DLGAP2: variants seen among roughly 807,000 people sequenced by gnomAD.
DLGAP2 encodes disks large-associated protein 2.
A neutral mutation model predicts 100.3 loss-of-function variants in DLGAP2; 26 were observed. The observed-to-expected ratio is 0.26, with a 90% CI of 0.19 to 0.36. The LOEUF (loss-of-function observed/expected upper bound fraction) is 0.36. DLGAP2 is among the 10% of genes least tolerant of loss of function. The pLI, the probability that DLGAP2 is intolerant of heterozygous loss-of-function variation, is 1.00. For synonymous variants in DLGAP2, 886 were observed against 630.1 expected, an observed-to-expected ratio of 1.41 and a Z score of -6.08; for missense variants, 1,858 against 1,453.2, an observed-to-expected ratio of 1.28 and a Z score of -4.53.
At chr8:1,122,237 C>T (rs1796066038) in intron 2 of DLGAP2, among the ~76,000 whole-genome samples, 1 of 152,174 alleles carries the variant, frequency 6.6e-6, no homozygotes, top group African/African-American at 2.4e-5. Flanking sequence ...CTGGGTGACC[C>T]TGTTTCTCCT....
At chr8:968,786 C>T (rs1799942836) in intron 2 of DLGAP2, among the ~76,000 whole-genome samples, 1 of 152,180 alleles carries the variant, frequency 6.6e-6, no homozygotes, top group Non-Finnish European at 1.5e-5. Flanking sequence ...AGTAGGGTTC[C>T]TGGAAGCTGC....
intron 1 of DLGAP2, among the ~76,000 whole-genome samples, chr8:790,403 T>C (rs893063077): frequency 1.3e-5 from 2 of 152,152 alleles, no homozygotes; most frequent in African/African-American, 4.8e-5. Flanking sequence ...TGTTTCCCAT[T>C]TTCTGGCCGC....
chr8:1,355,879 C>G (rs1423679092), intron 3 of DLGAP2, among the ~76,000 whole-genome samples: 1 of 152,190 alleles, frequency 6.6e-6, no homozygotes, highest in African/African-American at 2.4e-5. Flanking sequence ...GGGTCCCTGT[C>G]TGCATTATAA....
Position 1,426,817 on chromosome 8 carries a change from T to TA in DLGAP2, c.107-74540dup, listed in dbSNP as rs778278745. On this transcript the variant is annotated intron_variant, in intron 3 of 14. Transcript: ENST00000637795. ...ATCTCATGTCTAAGTAAATTAGTCG[T>TA]AAAAAAAAATTAGTGTCAGATATAC... Among the ~76,000 whole-genome samples the TA allele has an allele frequency of 1.9e-4, 29 of 151,584 alleles. No homozygotes were observed. The East Asian group carries it at 3.7e-3, about 19-fold the overall frequency.
chr8:1,530,263 C>T (rs1450440873), intron 4 of DLGAP2, among the ~76,000 whole-genome samples: 2 of 152,124 alleles, frequency 1.3e-5, no homozygotes, highest in South Asian at 2.1e-4. Context: ...CCTCCAGGCA[C>T]GTATTCTCTT....
At chr8:813,465 CAT>C (rs535154827) in intron 1 of DLGAP2, among the ~76,000 whole-genome samples, 20 of 152,260 alleles carry the variant, frequency 1.3e-4, no homozygotes, top group Middle Eastern at 6.8e-3. Context: ...AAAGATGCCT[CAT>C]GTGAAATAGA....
intron 1 of DLGAP2, among the ~76,000 whole-genome samples, chr8:815,125 C>T (rs561277127): frequency 6.6e-6 from 1 of 152,140 alleles, no homozygotes; most frequent in Non-Finnish European, 1.5e-5. Context: ...GCTGCTACAA[C>T]CAAATGCTTG....
intron 5 of DLGAP2, among the ~76,000 whole-genome samples, chr8:1,564,584 T>C (rs937712530): frequency 1.3e-5 from 2 of 152,218 alleles, no homozygotes; most frequent in Non-Finnish European, 2.9e-5. Flanking sequence ...GCCTGGCAGA[T>C]ATATAACAGG....
intron 2 of DLGAP2, among the ~76,000 whole-genome samples, chr8:1,060,162 G>A (rs756092976): frequency 7.2e-5 from 11 of 152,198 alleles, no homozygotes; most frequent in Admixed American, 1.3e-4. Context: ...GTGCGTGGCT[G>A]CATCCGTTTC....
intron 4 of DLGAP2, among the ~76,000 whole-genome samples, chr8:1,533,386 G>C (rs1801049904): frequency 6.6e-6 from 1 of 151,716 alleles, no homozygotes; most frequent in South Asian, 2.1e-4. Flanking sequence ...GGCACCTGTA[G>C]TCCGAGCTAC....
intron 4 of DLGAP2, among the ~76,000 whole-genome samples, chr8:1,508,220 C>CG (rs1462326794): frequency 1.3e-5 from 2 of 151,560 alleles, no homozygotes; most frequent in African/African-American, 4.9e-5. Flanking sequence ...CTAAACATCA[C>CG]GCGTCCCATT....
intron 2 of DLGAP2, among the ~76,000 whole-genome samples, chr8:1,195,193 C>A (rs1446802509): frequency 6.6e-6 from 1 of 152,200 alleles, no homozygotes; most frequent in Non-Finnish European, 1.5e-5. Flanking sequence ...CAGGAAGGTG[C>A]CCCATGGTCA....
chr8:1,475,658 G>T (rs1162711447), intron 3 of DLGAP2, among the ~76,000 whole-genome samples: 3 of 152,162 alleles, frequency 2.0e-5, no homozygotes, highest in Non-Finnish European at 4.4e-5. Flanking sequence ...GGGACCCACC[G>T]CAAGGCCGAG....
At chr8:1,132,659 C>T (rs1232422766) in intron 2 of DLGAP2, among the ~76,000 whole-genome samples, 1 of 152,212 alleles carries the variant, frequency 6.6e-6, no homozygotes, top group Non-Finnish European at 1.5e-5. Flanking sequence ...TACTGGAGAG[C>T]ACTGGGCAAG....
At chr8:1,113,911 T>C (rs1282619710) in intron 2 of DLGAP2, among the ~76,000 whole-genome samples, 1 of 152,090 alleles carries the variant, frequency 6.6e-6, no homozygotes, top group East Asian at 1.9e-4. Flanking sequence ...CATGAAGAGG[T>C]ATTGGATTTT....
At chr8:921,836 C>A (rs1798722255) in intron 2 of DLGAP2, among the ~76,000 whole-genome samples, 1 of 152,248 alleles carries the variant, frequency 6.6e-6, no homozygotes, top group Non-Finnish European at 1.5e-5. Flanking sequence ...GGCCAGGGTC[C>A]TCACCCACCG....
rs988307745 is a variant in DLGAP2, at chr8:1,705,498, G to A, written c.*4092G>A. 6.6e-6 allele frequency: 1 copy of A among 152,304 alleles called. No homozygotes were observed. The highest frequency in any genetic ancestry group is 1.5e-5 in the Non-Finnish European group (1 of 68,090). The allele number at this position is 152,304 out of a possible 1,614,324, so 9.4% of individuals were successfully genotyped here. ...ACCTGGGAAAGGCAGCGGGAAATGT[G>A]TGAGAGGGTGTGCGCTGGTACGGAC... On this transcript the variant is annotated 3_prime_UTR_variant, in exon 15 of 15. Transcript: ENST00000637795.
intron 3 of DLGAP2, among the ~76,000 whole-genome samples, chr8:1,318,488 C>T (rs1362900532): frequency 6.6e-6 from 1 of 150,592 alleles, no homozygotes; most frequent in Non-Finnish European, 1.5e-5. Flanking sequence ...CCTCTTCACG[C>T]CTTGGATTCT....
At chr8:1,152,423 T>A (rs538899150) in intron 2 of DLGAP2, among the ~76,000 whole-genome samples, 1 of 152,234 alleles carries the variant, frequency 6.6e-6, no homozygotes, top group Non-Finnish European at 1.5e-5. Context: ...TTAAACGGGA[T>A]GAAATAGAGT....
Sources: gnomAD v4.1 joint callset for allele counts (sites outside exome capture counted in the v4.1 genomes callset) on GRCh38, gnomAD v4.1.1 for gene constraint, MANE v1.5 for transcripts, NCBI Gene and HGNC (gene_info 2026-07-23, HGNC 2026-07-21) for gene names.